Variants in GRIN2B observed in about 807,000 individuals in gnomAD.
The protein encoded by GRIN2B is glutamate ionotropic receptor NMDA type subunit 2B.
In GRIN2B, 5 loss-of-function variants were observed where a neutral mutation model predicts 114.5. The ratio of observed to expected loss-of-function variants is 0.04; its 90% CI spans 0.02 to 0.09. The LOEUF is 0.09. Among genes scored for constraint, GRIN2B ranks in the 10% least tolerant of loss-of-function variants. GRIN2B has a pLI of 1.00. For missense variants in GRIN2B, 1,108 were observed against 1,943.5 expected, an observed-to-expected ratio of 0.57 and a Z score of 8.08; for synonymous variants, 787 against 745.1, an observed-to-expected ratio of 1.06 and a Z score of -0.92.
At chr12:13,786,752 T>C (rs1197701923) in intron 3 of GRIN2B, among the ~76,000 whole-genome samples, 1 of 152,160 alleles carries the variant, frequency 6.6e-6, no homozygotes, top group Admixed American at 6.5e-5. Flanking sequence ...AATAGCTCTT[T>C]TACAAACTCA....
At chr12:13,738,259 C>T (rs1314250375) in intron 4 of GRIN2B, among the ~76,000 whole-genome samples, 1 of 152,196 alleles carries the variant, frequency 6.6e-6, no homozygotes, top group Admixed American at 6.5e-5. Flanking sequence ...CTTTCTAGTG[C>T]TAATAACTTT....
intron 10 of GRIN2B, among the ~76,000 whole-genome samples, chr12:13,601,001 C>G (rs1949149948): frequency 6.6e-6 from 1 of 152,178 alleles, no homozygotes; most frequent in Non-Finnish European, 1.5e-5. Context: ...GAGAGGGGAA[C>G]TGAATCTGAT....
chr12:13,873,245 A>G (rs1341327722), intron 2 of GRIN2B, among the ~76,000 whole-genome samples: 2 of 152,236 alleles, frequency 1.3e-5, no homozygotes, highest in African/African-American at 4.8e-5. Flanking sequence ...CAAAGAAGTG[A>G]TCTTGACTCA....
chr12:13,670,990 G>C (rs184476742), intron 5 of GRIN2B, among the ~76,000 whole-genome samples: 2 of 152,188 alleles, frequency 1.3e-5, no homozygotes, highest in Non-Finnish European at 2.9e-5. Context: ...GTAAATGTTT[G>C]GAGTATTTTC....
At chr12:13,604,250 T>A (rs1029984253) in intron 10 of GRIN2B, among the ~76,000 whole-genome samples, 3 of 152,222 alleles carry the variant, frequency 2.0e-5, no homozygotes, top group Admixed American at 2.0e-4. Context: ...TGTAGTGGAA[T>A]AATTCTGAAT....
chr12:13,652,920 G>A (rs568088992), intron 5 of GRIN2B, among the ~76,000 whole-genome samples: 2 of 152,148 alleles, frequency 1.3e-5, no homozygotes, highest in Non-Finnish European at 2.9e-5. Context: ...GCTCCTTAGC[G>A]GGGCTTTGAG....
intron 3 of GRIN2B, among the ~76,000 whole-genome samples, chr12:13,793,040 A>G (rs1864346267): frequency 6.6e-6 from 1 of 152,232 alleles, no homozygotes; most frequent in Non-Finnish European, 1.5e-5. Context: ...GTTACTTGTA[A>G]TATTTCCAAC....
intron 3 of GRIN2B, among the ~76,000 whole-genome samples, chr12:13,821,206 T>A (rs147765331): frequency 6.7e-4 from 102 of 152,238 alleles, no homozygotes; most frequent in African/African-American, 2.1e-3. Flanking sequence ...AACTCAAGTA[T>A]TTTTCAGGGA....
At chr12:13,608,075 C>G (rs1040835046) in intron 10 of GRIN2B, among the ~76,000 whole-genome samples, 1 of 152,214 alleles carries the variant, frequency 6.6e-6, no homozygotes, top group Admixed American at 6.5e-5. Flanking sequence ...CAGCACCACA[C>G]AGGGGCAATC....
At chr12:13,626,451 C>A (rs1949567506) in intron 5 of GRIN2B, among the ~76,000 whole-genome samples, 1 of 152,134 alleles carries the variant, frequency 6.6e-6, no homozygotes. Flanking sequence ...TACTCTCTAC[C>A]TTTATTCTCA....
At chr12:13,907,364 C>T (rs1178450962) in intron 2 of GRIN2B, among the ~76,000 whole-genome samples, 1 of 152,082 alleles carries the variant, frequency 6.6e-6, no homozygotes, top group Non-Finnish European at 1.5e-5. Context: ...GTGGCACACA[C>T]CTGTAGTCCC....
intron 2 of GRIN2B, among the ~76,000 whole-genome samples, chr12:13,921,547 G>T (rs1866824044): frequency 6.6e-6 from 1 of 152,156 alleles, no homozygotes; most frequent in African/African-American, 2.4e-5. Flanking sequence ...TATCTTGATG[G>T]AAGAGTTTGC....
chr12:13,794,398 G>T (rs368276990), intron 3 of GRIN2B, among the ~76,000 whole-genome samples: 36 of 152,192 alleles, frequency 2.4e-4, no homozygotes, highest in African/African-American at 8.2e-4. Flanking sequence ...CAATGCATTT[G>T]CAAAGGCACT....
intron 4 of GRIN2B, among the ~76,000 whole-genome samples, chr12:13,681,305 C>T (rs1247128055): frequency 6.6e-6 from 1 of 152,168 alleles, no homozygotes; most frequent in Non-Finnish European, 1.5e-5. Flanking sequence ...CCCAGCAGGG[C>T]TTTTGTGATT....
intron 5 of GRIN2B, among the ~76,000 whole-genome samples, chr12:13,618,665 C>T (rs1565479059): frequency 6.6e-6 from 1 of 152,040 alleles, no homozygotes. Context: ...AGAATTGTGC[C>T]CAAATTTCTC....
At chr12:13,979,129 G>T (rs1463703164) in intron 2 of GRIN2B, among the ~76,000 whole-genome samples, 1 of 152,142 alleles carries the variant, frequency 6.6e-6, no homozygotes, top group Non-Finnish European at 1.5e-5. Context: ...AGTTTGCTTG[G>T]AGGATGTGTG....
At chr12:13,707,846 T>C (rs888840824) in intron 4 of GRIN2B, among the ~76,000 whole-genome samples, 1 of 152,114 alleles carries the variant, frequency 6.6e-6, no homozygotes, top group African/African-American at 2.4e-5. Flanking sequence ...CAAATCTCTT[T>C]GAGAATTTGT....
At chr12:13,922,456 T>C (rs1393221411) in intron 2 of GRIN2B, among the ~76,000 whole-genome samples, 1 of 152,162 alleles carries the variant, frequency 6.6e-6, no homozygotes, top group Non-Finnish European at 1.5e-5. Flanking sequence ...GTCAATGAAA[T>C]AATACATTTT....
At chr12:13,788,033 C>T (rs1299049824) in intron 3 of GRIN2B, among the ~76,000 whole-genome samples, 1 of 152,168 alleles carries the variant, frequency 6.6e-6, no homozygotes, top group African/African-American at 2.4e-5. Flanking sequence ...ACCTTAAGAC[C>T]TTTTGGGACT....
Sources: gnomAD v4.1 joint callset for allele counts (sites outside exome capture counted in the v4.1 genomes callset) on GRCh38, gnomAD v4.1.1 for gene constraint, MANE v1.5 for transcripts, NCBI Gene and HGNC (gene_info 2026-07-23, HGNC 2026-07-21) for gene names.